The following MACROD1 variants were observed in gnomAD, a reference collection of about 807,000 sequenced individuals.
MACROD1 encodes the protein ADP-ribose glycohydrolase MACROD1.
MACROD1 carries 31 observed loss-of-function variants against 41.4 expected under a neutral mutation model. That is an observed-to-expected ratio of 0.75 (90% CI 0.56 to 1.01). The LOEUF (loss-of-function observed/expected upper bound fraction) is 1.01, where lower values mean the gene tolerates loss of function less well. Ranked by LOEUF, MACROD1 falls within the 50% of genes least tolerant of loss-of-function variation. The pLI, the probability that MACROD1 is intolerant of heterozygous loss-of-function variation, is 0.00. For missense variants in MACROD1, 473 were observed against 460.0 expected (o/e 1.03, Z -0.26); for synonymous variants, 252 against 203.4 (o/e 1.24, Z -2.03).
At chr11:64,019,071 GT>G (rs796494105) in intron 3 of MACROD1, among the ~76,000 whole-genome samples, 10 of 152,316 alleles carry the variant, frequency 6.6e-5, no homozygotes, top group African/African-American at 2.4e-4. Context: ...GAGCGGCACA[GT>G]TCGCTTTGGC....
chr11:64,018,413 C>T (rs1943110570), intron 3 of MACROD1, among the ~76,000 whole-genome samples: 3 of 152,212 alleles, frequency 2.0e-5, no homozygotes, highest in African/African-American at 7.2e-5. Context: ...CCCCATAAAG[C>T]TGCCTCCAAG....
intron 3 of MACROD1, among the ~76,000 whole-genome samples, chr11:64,111,334 C>T (rs1944858670): frequency 6.6e-6 from 1 of 152,226 alleles, no homozygotes; most frequent in Non-Finnish European, 1.5e-5. Context: ...ACGCTGGGGG[C>T]CCCCTGGCAG....
intron 9 of MACROD1, 23 bp downstream of exon 9, chr11:63,998,932 G>T: frequency 6.4e-7 from 1 of 1,557,326 alleles, no homozygotes; most frequent in Non-Finnish European, 8.6e-7. Flanking sequence ...GGGGCGGGCC[G>T]TGGGGCGGCG....
intron 4 of MACROD1, among the ~76,000 whole-genome samples, chr11:64,008,061 G>A (rs1328049385): frequency 6.6e-6 from 1 of 152,256 alleles, no homozygotes; most frequent in Non-Finnish European, 1.5e-5. Flanking sequence ...AGCAGGGCGC[G>A]GAGCGCTTGT....
intron 3 of MACROD1, among the ~76,000 whole-genome samples, chr11:64,150,319 A>G (rs1331581797): frequency 1.3e-5 from 2 of 152,232 alleles, no homozygotes; most frequent in South Asian, 2.1e-4. Context: ...CTACAAGCGC[A>G]AAGTGGGGAC....
rs1006659296 is a variant in MACROD1, at chr11:64,146,623, G to A, written c.517+4616C>T. Among the ~76,000 whole-genome samples, 2 of 151,984 alleles carry A rather than the reference G, an allele frequency of 1.3e-5. No individual in the cohort carries two copies. Among genetic ancestry groups the A allele is most frequent in the African/African-American group, 2.4e-5 (1 of 41,382 alleles). On this transcript the variant is annotated intron_variant, in intron 3 of 10. Coordinates refer to ENST00000255681, the MANE Select transcript of MACROD1 (RefSeq NM_014067.4). The surrounding 1 kb of genome is among the most constrained non-coding windows in gnomAD (Gnocchi z 4.7). ...TCAAGCCCTGCCACCCGCCAGCCAGGCATCCCCACTTCTATGCTTCTGCCC... is the reference window on the plus strand; with the variant it reads ...TCAAGCCCTGCCACCCGCCAGCCAGACATCCCCACTTCTATGCTTCTGCCC...
chr11:64,000,073 T>A (rs1942794182), intron 5 of MACROD1, 154 bp downstream of exon 5: 4 of 650,622 alleles, frequency 6.1e-6, no homozygotes, highest in Middle Eastern at 4.0e-4. Flanking sequence ...CTTCCTGGGG[T>A]GTGCGGGGTG....
chr11:64,081,281 C>A (rs1944298123), intron 3 of MACROD1, among the ~76,000 whole-genome samples: 1 of 152,214 alleles, frequency 6.6e-6, no homozygotes, highest in Non-Finnish European at 1.5e-5. Flanking sequence ...CTCGGCCTCC[C>A]AAAGTGCTGG....
At chr11:64,154,536 T>C (rs1473860692) in intron 1 of MACROD1, among the ~76,000 whole-genome samples, 1 of 152,036 alleles carries the variant, frequency 6.6e-6, no homozygotes, top group African/African-American at 2.4e-5. Context: ...ATAAATCAGG[T>C]GCCATCCCTC....
chr11:64,074,207 G>A (rs1944160263), intron 3 of MACROD1, among the ~76,000 whole-genome samples: 1 of 152,236 alleles, frequency 6.6e-6, no homozygotes, highest in Admixed American at 6.5e-5. Context: ...AGAGAGAAAG[G>A]AGGGCTTCCC....
At chr11:64,117,371 C>G (rs1565242146) in intron 3 of MACROD1, 5 of 1,613,232 alleles carry the variant, frequency 3.1e-6, no homozygotes, top group Non-Finnish European at 4.2e-6. Flanking sequence ...GCATGGCCAT[C>G]AAGGACATTA....
chr11:64,140,850 T>C (rs796195112), intron 3 of MACROD1, among the ~76,000 whole-genome samples: 20 of 152,324 alleles, frequency 1.3e-4, no homozygotes, highest in African/African-American at 4.6e-4. Context: ...AGATGTCCCA[T>C]ATGGCCAGGC....
intron 3 of MACROD1, among the ~76,000 whole-genome samples, chr11:64,040,804 G>A (rs1387029755): frequency 1.3e-5 from 2 of 152,102 alleles, no homozygotes; most frequent in East Asian, 3.9e-4. Context: ...GGGAGTGAAG[G>A]GGCTGTGTCC....
intron 3 of MACROD1, among the ~76,000 whole-genome samples, chr11:64,041,903 C>A (rs1302687137): frequency 6.6e-6 from 1 of 152,204 alleles, no homozygotes; most frequent in Non-Finnish European, 1.5e-5. Context: ...AGTTAAAGCA[C>A]AGGAGTGAGA....
At chr11:64,037,985 G>A (rs1343326821) in intron 3 of MACROD1, among the ~76,000 whole-genome samples, 2 of 152,184 alleles carry the variant, frequency 1.3e-5, no homozygotes, top group African/African-American at 4.8e-5. Context: ...AAGGGCTGAG[G>A]GTATCTGCAG....
rs923541618 is a variant in MACROD1, at chr11:64,146,113, G to T, written c.517+5126C>A. ...TTGTGCCCGGACATGTCCTGCCCAG[G>T]ACTCTGCTATCTGTCAGGAACAAGA... On this transcript the variant is annotated intron_variant, in intron 3 of 10. Transcript: ENST00000255681. This position sits in a 1 kb window ranked among gnomAD's most constrained non-coding sequence, Gnocchi z 4.7. Among the ~76,000 whole-genome samples, 1 of 152,182 alleles carries T rather than the reference G, an allele frequency of 6.6e-6. No individual in the cohort carries two copies. The highest frequency in any genetic ancestry group is 1.5e-5 in the Non-Finnish European group (1 of 68,028).
intron 3 of MACROD1, among the ~76,000 whole-genome samples, chr11:64,149,566 C>T (rs1316709604): frequency 6.6e-6 from 1 of 152,258 alleles, no homozygotes; most frequent in Admixed American, 6.5e-5. Context: ...ATCAACACCC[C>T]ACCTTGGTCC....
At chr11:64,113,096 T>C (rs1944891250) in intron 3 of MACROD1, among the ~76,000 whole-genome samples, 1 of 152,242 alleles carries the variant, frequency 6.6e-6, no homozygotes, top group Non-Finnish European at 1.5e-5. Flanking sequence ...CCTCCCTAGA[T>C]GGCCTGGGTT....
At chr11:64,026,685 G>C (rs1028066959) in intron 3 of MACROD1, among the ~76,000 whole-genome samples, 1 of 152,030 alleles carries the variant, frequency 6.6e-6, no homozygotes, top group South Asian at 2.1e-4. Flanking sequence ...TCCCTCCATG[G>C]AGGCATGGCT....
Sources: allele counts gnomAD v4.1 joint callset (sites outside exome capture counted in the v4.1 genomes callset), GRCh38; gene constraint gnomAD v4.1.1; non-coding constraint Gnocchi (gnomAD v3.1); transcripts MANE v1.5; gene names NCBI Gene and HGNC (gene_info 2026-07-23, HGNC 2026-07-21).